The following ABCB11 variants were observed in gnomAD, a reference collection of about 807,000 sequenced individuals.
The protein encoded by ABCB11 is bile salt export pump.
Under a neutral mutation model 148.0 loss-of-function variants are expected in ABCB11, and 95 were observed. The ratio of observed to expected loss-of-function variants is 0.64; its 90% CI spans 0.54 to 0.76. ABCB11 has a LOEUF of 0.76. Among genes scored for constraint, ABCB11 ranks in the 30% least tolerant of loss-of-function variants. The pLI, the probability that ABCB11 is intolerant of heterozygous loss-of-function variation, is 0.00. For synonymous variants in ABCB11, 591 were observed against 555.4 expected (o/e 1.06, Z -0.90); for missense variants, 1,523 against 1,617.8 (o/e 0.94, Z 1.01).
rs146598444 is a variant in ABCB11, at chr2:169,007,116, C to T, written c.389+6156G>A. On this transcript the variant is annotated intron_variant, in intron 5 of 27. Coordinates refer to ENST00000650372, the MANE Select transcript of ABCB11 (RefSeq NM_003742.4). ...GATTTCAAAACTTACTATAAAACTA[C>T]GGTAATCAAAACAGTGTGTTACTGG... Among the ~76,000 whole-genome samples the T allele has an allele frequency of 3.6e-4, 55 of 152,182 alleles. 1 individual carries two copies. In the East Asian group the frequency reaches 3.9e-3, roughly 11 times the overall value.
intron 19 of ABCB11, among the ~76,000 whole-genome samples, chr2:168,949,502 T>C (rs1163850951): frequency 6.6e-6 from 1 of 151,684 alleles, no homozygotes; most frequent in African/African-American, 2.4e-5. Context: ...TGTCCTCCAG[T>C]TCTGTCCATG....
intron 5 of ABCB11, among the ~76,000 whole-genome samples, chr2:168,998,012 C>T (rs928032042): frequency 6.6e-6 from 1 of 152,128 alleles, no homozygotes; most frequent in East Asian, 1.9e-4. Flanking sequence ...CTCTTGTGCT[C>T]ACCACATTCC....
chr2:168,993,690 G>A (rs761567286), intron 8 of ABCB11, 21 bp downstream of exon 8: 21 of 1,600,844 alleles, frequency 1.3e-5, no homozygotes, highest in South Asian at 2.3e-5. Flanking sequence ...CCCATGGAGA[G>A]ATGCAAAAAG....
chr2:168,995,975 T>TAAAAAAAAAAAA, intron 6 of ABCB11, among the ~76,000 whole-genome samples: 1 of 63,030 alleles, frequency 1.6e-5, no homozygotes, highest in Non-Finnish European at 2.8e-5. Flanking sequence ...TTTCCCTAAC[T>TAAAAAAAAAAAA]AAAAAAAAAA....
chr2:168,962,026 T>C (rs1693101747), intron 18 of ABCB11, among the ~76,000 whole-genome samples: 1 of 151,758 alleles, frequency 6.6e-6, no homozygotes, highest in South Asian at 2.1e-4. Flanking sequence ...ATAATGTTAC[T>C]TGAGATTAGA....
intron 19 of ABCB11, among the ~76,000 whole-genome samples, chr2:168,950,168 C>A (rs867326093): frequency 1.4e-4 from 20 of 140,490 alleles, no homozygotes; most frequent in Admixed American, 2.8e-4. Flanking sequence ...CACACACACA[C>A]AAAATAGGAT....
Position 168,997,056 on chromosome 2 carries a change from C to T in ABCB11, c.390-334G>A, listed in dbSNP as rs77727539. On this transcript the variant is annotated intron_variant, in intron 5 of 27. Transcript: ENST00000650372. ...GAAGCCAGGGTACCCTAAATGGCAGCCCAGGGCTTGGTCCACTTTAGTCTC... is the reference window on the plus strand; with the variant it reads ...GAAGCCAGGGTACCCTAAATGGCAGTCCAGGGCTTGGTCCACTTTAGTCTC... 2.9e-3 allele frequency among the ~76,000 whole-genome samples: 443 copies of T among 151,984 alleles called. 2 individuals are homozygous for T. Among genetic ancestry groups the T allele is most frequent in the African/African-American group, 0.01 (422 of 41,470 alleles).
intron 1 of ABCB11, among the ~76,000 whole-genome samples, chr2:169,027,134 C>A (rs536944630): frequency 6.6e-6 from 1 of 152,182 alleles, no homozygotes; most frequent in Admixed American, 6.5e-5. Context: ...TTACTGTGCA[C>A]TTTAACATAT....
intron 9 of ABCB11, among the ~76,000 whole-genome samples, chr2:168,987,726 C>A (rs1477963794): frequency 6.6e-6 from 1 of 152,150 alleles, no homozygotes; most frequent in Non-Finnish European, 1.5e-5. Context: ...CCACTGTGCC[C>A]AGCCTGTTTG....
chr2:169,008,749 T>A (rs914651861), intron 5 of ABCB11, among the ~76,000 whole-genome samples: 1 of 152,266 alleles, frequency 6.6e-6, no homozygotes, highest in Middle Eastern at 3.4e-3. Flanking sequence ...CTAGAATAGT[T>A]AAACATAGAG....
chr2:169,002,714 G>A (rs773522867), intron 5 of ABCB11, among the ~76,000 whole-genome samples: 2 of 152,114 alleles, frequency 1.3e-5, no homozygotes, highest in Admixed American at 6.6e-5. Context: ...TCACTTAAAT[G>A]TGACATCTAA....
At chr2:168,962,399 T>C (rs1234349257) in intron 18 of ABCB11, among the ~76,000 whole-genome samples, 2 of 151,710 alleles carry the variant, frequency 1.3e-5, no homozygotes, top group African/African-American at 4.8e-5. Context: ...GATTTCCTTT[T>C]AGTTAAATGG....
intron 24 of ABCB11, 30 bp downstream of exon 24, chr2:168,932,347 T>A: frequency 6.5e-7 from 1 of 1,538,950 alleles, no homozygotes; most frequent in Non-Finnish European, 8.8e-7. Flanking sequence ...CTCATCCTTT[T>A]TTATGGCTGC....
intron 10 of ABCB11, among the ~76,000 whole-genome samples, chr2:168,984,803 G>T (rs1694258863): frequency 6.6e-6 from 1 of 152,002 alleles, no homozygotes; most frequent in South Asian, 2.1e-4. Flanking sequence ...AAATATATAA[G>T]TATTATTTGT....
At chr2:168,946,742 A>C (rs1203206025) in intron 19 of ABCB11, among the ~76,000 whole-genome samples, 1 of 151,760 alleles carries the variant, frequency 6.6e-6, no homozygotes, top group Non-Finnish European at 1.5e-5. Flanking sequence ...AGCCCCAAAC[A>C]TCAAGTTGTT....
In ABCB11 at chr2:168,923,232, A is replaced by T; in HGVS notation, c.*390T>A. On this transcript the variant is annotated 3_prime_UTR_variant, in exon 28 of 28. Coordinates refer to ENST00000650372, the MANE Select transcript of ABCB11 (RefSeq NM_003742.4). ...CCGCCTCTGTGTACACCGAGGGTTC[A>T]AAAATGAAAGACAGTTCTCTGCCCT... 1 of 218,096 alleles carries T rather than the reference A, an allele frequency of 4.6e-6. No homozygotes were observed. The highest frequency in any genetic ancestry group is 9.2e-6 in the Non-Finnish European group (1 of 109,246). 13.5% of individuals were successfully genotyped at this position (218,096 alleles called of 1,614,324 possible).
At chr2:169,005,705 G>A (rs970944820) in intron 5 of ABCB11, among the ~76,000 whole-genome samples, 1 of 152,028 alleles carries the variant, frequency 6.6e-6, no homozygotes, top group Non-Finnish European at 1.5e-5. Context: ...GATTTTTAGT[G>A]TTCTTACAAC....
At chr2:168,988,728 C>T (rs768711205) in intron 9 of ABCB11, among the ~76,000 whole-genome samples, 1 of 152,058 alleles carries the variant, frequency 6.6e-6, no homozygotes, top group Non-Finnish European at 1.5e-5. Flanking sequence ...CCACCAAAAG[C>T]GATCCGTGTA....
At position 168,944,655 on chromosome 2, in the gene ABCB11, G is replaced by C; in HGVS notation, c.2560C>G (p.Pro854Ala). 1.9e-6 allele frequency: 3 copies of C among 1,612,452 alleles called. No individual in the cohort carries two copies. Among genetic ancestry groups the C allele is most frequent in the Non-Finnish European group, 2.5e-6 (3 of 1,179,084 alleles). The change falls in exon 21 of 28, where the codon CCT becomes GCT. Residue 854 changes from proline to alanine, a missense_variant. By Grantham distance (27) the Pro-to-Ala change is conservative. Transcript: ENST00000650372. ...GCAAGTCTTGTTGTCAATGCTCCAG[G>C]GCTATTTCTGAGGTCATCAAACCAG... ...IAWFDDLRNSPGALTTRLATD... is the reference protein window; with the variant it reads ...IAWFDDLRNSAGALTTRLATD...
Sources: gnomAD v4.1 joint callset for allele counts (sites outside exome capture counted in the v4.1 genomes callset) on GRCh38, gnomAD v4.1.1 for gene constraint, MANE v1.5 for transcripts, NCBI Gene and HGNC (gene_info 2026-07-23, HGNC 2026-07-21) for gene names.